Variants in XRCC4 observed in about 807,000 individuals in gnomAD.
XRCC4 encodes X-ray repair cross complementing 4, also known as DNA repair protein XRCC4.
XRCC4 carries 28 observed loss-of-function variants against 39.1 expected under a neutral mutation model. The ratio of observed to expected loss-of-function variants is 0.72; its 90% CI spans 0.53 to 0.98. XRCC4 has a LOEUF of 0.98. XRCC4 is among the 50% of genes least tolerant of loss of function. The probability of loss-of-function intolerance (pLI) is 0.00; values close to 1 mark genes in which losing one functional copy is unlikely to be tolerated. For missense variants in XRCC4, 350 were observed against 376.4 expected (o/e 0.93, Z 0.58); for synonymous variants, 123 against 126.4 (o/e 0.97, Z 0.18).
At chr5:83,233,157 C>T (rs1055239398) in intron 6 of XRCC4, among the ~76,000 whole-genome samples, 1 of 152,084 alleles carries the variant, frequency 6.6e-6, no homozygotes, top group Non-Finnish European at 1.5e-5. Context: ...AATAGTAATG[C>T]GGTCATCATT....
chr5:83,230,186 T>G (rs930802951), intron 6 of XRCC4, among the ~76,000 whole-genome samples: 11 of 152,160 alleles, frequency 7.2e-5, no homozygotes, highest in Admixed American at 2.0e-4. Flanking sequence ...TTACAAGAGA[T>G]TTAAAAGATA....
At chr5:83,258,961 A>G (rs2112897471) in intron 7 of XRCC4, 3 of 335,458 alleles carry the variant, frequency 8.9e-6, no homozygotes, top group South Asian at 5.8e-5. Context: ...ATTGGAATCC[A>G]ACTAGTGTTC....
intron 1 of XRCC4, among the ~76,000 whole-genome samples, chr5:83,083,020 T>G (rs1745023170): frequency 6.6e-6 from 1 of 152,192 alleles, no homozygotes; most frequent in Non-Finnish European, 1.5e-5. Context: ...ATACAGCTAT[T>G]CCTTCATAGC....
chr5:83,163,789 C>T lies in XRCC4; in HGVS notation c.316-31981C>T, dbSNP rs1749331754. On this transcript the variant is annotated intron_variant, in intron 3 of 7. Transcript: ENST00000396027. Reference sequence around the variant, plus strand: ...ACAATAAACTTTGAAGTGTTTAACACATTGTGTCTTTGTGGAGAAATGGTC... The same window carrying T: ...ACAATAAACTTTGAAGTGTTTAACATATTGTGTCTTTGTGGAGAAATGGTC... Among the ~76,000 whole-genome samples, 5 of 152,178 alleles carry T rather than the reference C, an allele frequency of 3.3e-5. No individual in the cohort carries two copies. The South Asian group carries it at 1.0e-3, about 32-fold the overall frequency.
intron 7 of XRCC4, among the ~76,000 whole-genome samples, chr5:83,331,845 A>T (rs1365368552): frequency 1.3e-5 from 2 of 152,190 alleles, no homozygotes; most frequent in Admixed American, 6.6e-5. Flanking sequence ...TCGCTTCATC[A>T]TAAGGATAAT....
intron 3 of XRCC4, among the ~76,000 whole-genome samples, chr5:83,185,013 T>G (rs1039310668): frequency 1.6e-4 from 24 of 152,100 alleles, no homozygotes; most frequent in Non-Finnish European, 3.2e-4. Context: ...TTGAGGTCAA[T>G]ACTGGGATTC....
intron 6 of XRCC4, among the ~76,000 whole-genome samples, chr5:83,230,007 T>C (rs1752439042): frequency 6.6e-6 from 1 of 152,040 alleles, no homozygotes; most frequent in Non-Finnish European, 1.5e-5. Context: ...TCTACTGAAA[T>C]AGAGGCCCCC....
chr5:83,236,998 C>A (rs1221857644), intron 6 of XRCC4, among the ~76,000 whole-genome samples: 1 of 151,898 alleles, frequency 6.6e-6, no homozygotes, highest in Non-Finnish European at 1.5e-5. Flanking sequence ...AAATGCAAAT[C>A]AAAACTGCAA....
In XRCC4 at chr5:83,105,067, A is replaced by T; in HGVS notation, c.139+9A>T. The T allele has an allele frequency of 6.3e-7, 1 of 1,594,788 alleles. No homozygotes were observed. The highest frequency in any genetic ancestry group is 8.5e-7 in the Non-Finnish European group (1 of 1,173,908). On this transcript the variant is annotated intron_variant, in intron 2 of 7. Coordinates refer to ENST00000396027, the MANE Select transcript of XRCC4 (RefSeq NM_003401.5). ...AGCATGGACTGGGACAGGTAATACT[A>T]AAAACAAAGTTTTTATAAGTAAAAT...
chr5:83,266,224 T>A (rs776785530), intron 7 of XRCC4, among the ~76,000 whole-genome samples: 1 of 151,204 alleles, frequency 6.6e-6, no homozygotes, highest in Non-Finnish European at 1.5e-5. Flanking sequence ...TATGGTTCAG[T>A]ATTAAAGGAA....
chr5:83,085,802 A>G lies in XRCC4; in HGVS notation c.-11+8187A>G, dbSNP rs1294721601. 2.0e-5 allele frequency among the ~76,000 whole-genome samples: 3 copies of G among 152,350 alleles called. No individual in the cohort carries two copies. In the East Asian group the frequency reaches 5.8e-4, roughly 29 times the overall value. On this transcript the variant is annotated intron_variant, in intron 1 of 7. Transcript: ENST00000396027. ...GAAGTTTTTGCACTTTAGATGTGAT[A>G]AGGGAATATGACCTTGTTGTCATTA...
rs958770104 is a variant in XRCC4 at position 83,214,493 on chromosome 5, G to C, written c.745+9572G>C. On this transcript the variant is annotated intron_variant, in intron 6 of 7. Transcript: ENST00000396027. ...TCCCAGAAACTCATGATGCCAAGGA[G>C]TTTGAGGCCAGCCTGGGCAACATAG... Among the ~76,000 whole-genome samples, 5 of 152,236 alleles carry C rather than the reference G, an allele frequency of 3.3e-5. No homozygotes were observed. The South Asian group carries it at 1.0e-3, about 32-fold the overall frequency.
intron 6 of XRCC4, among the ~76,000 whole-genome samples, chr5:83,257,787 G>A (rs529936158): frequency 6.6e-5 from 10 of 152,106 alleles, no homozygotes; most frequent in African/African-American, 1.9e-4. Context: ...GGAACCAACC[G>A]AAATGCCCAT....
At chr5:83,310,097 T>A (rs1260468970) in intron 7 of XRCC4, among the ~76,000 whole-genome samples, 1 of 152,198 alleles carries the variant, frequency 6.6e-6, no homozygotes, top group Non-Finnish European at 1.5e-5. Flanking sequence ...TATTTAAAGA[T>A]AACTGCCCAA....
At chr5:83,148,900 A>G (rs1483122798) in intron 3 of XRCC4, among the ~76,000 whole-genome samples, 2 of 152,158 alleles carry the variant, frequency 1.3e-5, no homozygotes, top group Non-Finnish European at 2.9e-5. Flanking sequence ...TATCAAATGT[A>G]CTCAAAATTA....
rs180816136 is a variant in XRCC4 at position 83,333,304 on chromosome 5, A to G, written c.894-19827A>G. 2.0e-5 allele frequency among the ~76,000 whole-genome samples: 3 copies of G among 152,310 alleles called. No individual in the cohort carries two copies. In the East Asian group the frequency reaches 5.8e-4, roughly 29 times the overall value. ...TATAGTCATGTATTCTCAAATTAAAATGTCAATACCATAATGAATAAAATA... is the reference window on the plus strand; with the variant it reads ...TATAGTCATGTATTCTCAAATTAAAGTGTCAATACCATAATGAATAAAATA... On this transcript the variant is annotated intron_variant, in intron 7 of 7. Transcript: ENST00000396027.
At chr5:83,270,885 A>G (rs1754124572) in intron 7 of XRCC4, among the ~76,000 whole-genome samples, 1 of 151,676 alleles carries the variant, frequency 6.6e-6, no homozygotes, top group Admixed American at 6.6e-5. Flanking sequence ...TCCTGGGTTC[A>G]AGCGATTCTC....
intron 7 of XRCC4, among the ~76,000 whole-genome samples, chr5:83,286,608 C>A (rs1247625766): frequency 6.6e-6 from 1 of 152,064 alleles, no homozygotes; most frequent in Non-Finnish European, 1.5e-5. Flanking sequence ...GGATGAAGCC[C>A]ACCCATATTT....
intron 1 of XRCC4, among the ~76,000 whole-genome samples, chr5:83,086,975 AG>A: frequency 6.6e-6 from 1 of 152,300 alleles, no homozygotes; most frequent in Middle Eastern, 3.4e-3. Context: ...TCAGCTAAAT[AG>A]ATATCTCTGT....
Sources: gnomAD v4.1 joint callset for allele counts (sites outside exome capture counted in the v4.1 genomes callset) on GRCh38, gnomAD v4.1.1 for gene constraint, MANE v1.5 for transcripts, NCBI Gene and HGNC (gene_info 2026-07-23, HGNC 2026-07-21) for gene names.